The following NRXN3 variants were observed in gnomAD, a reference collection of about 807,000 sequenced individuals.
The protein encoded by NRXN3 is neurexin III.
Under a neutral mutation model 137.6 loss-of-function variants are expected in NRXN3, and 32 were observed. The observed-to-expected ratio is 0.23, with a 90% confidence interval of 0.18 to 0.31. The LOEUF (loss-of-function observed/expected upper bound fraction) is 0.31. Ranked by LOEUF, NRXN3 falls within the 10% of genes least tolerant of loss-of-function variation. The probability of loss-of-function intolerance (pLI) is 1.00; values close to 1 mark genes in which losing one functional copy is unlikely to be tolerated. For missense variants in NRXN3, 1,574 were observed against 2,062.5 expected, an observed-to-expected ratio of 0.76 and a Z score of 4.59; for synonymous variants, 798 against 784.5, an observed-to-expected ratio of 1.02 and a Z score of -0.29.
intron 16 of NRXN3, among the ~76,000 whole-genome samples, chr14:79,470,684 G>T (rs2096488448): frequency 1.3e-5 from 2 of 152,104 alleles, no homozygotes; most frequent in Non-Finnish European, 2.9e-5. Context: ...CTACCGATGT[G>T]CTTCAACAAG....
intron 18 of NRXN3, among the ~76,000 whole-genome samples, chr14:79,694,792 C>A (rs905741580): frequency 1.3e-5 from 2 of 151,916 alleles, no homozygotes; most frequent in Non-Finnish European, 2.9e-5. Context: ...CTCTACTGTT[C>A]CTTTACTGAT....
chr14:79,606,546 G>A (rs1185320550), intron 16 of NRXN3, among the ~76,000 whole-genome samples: 1 of 152,016 alleles, frequency 6.6e-6, no homozygotes, highest in Non-Finnish European at 1.5e-5. Flanking sequence ...CATCTCAGAG[G>A]GTCACAGTTA....
chr14:78,427,914 G>A (rs1011697153), intron 4 of NRXN3, among the ~76,000 whole-genome samples: 1 of 152,164 alleles, frequency 6.6e-6, no homozygotes, highest in South Asian at 2.1e-4. Flanking sequence ...TGTCCTTTGG[G>A]GGATGTTACC....
chr14:78,455,582 A>G (rs547653558), intron 4 of NRXN3, among the ~76,000 whole-genome samples: 2 of 152,350 alleles, frequency 1.3e-5, no homozygotes, highest in East Asian at 1.9e-4. Flanking sequence ...GATGTTAAAT[A>G]AAATGTGATG....
chr14:79,484,094 G>A (rs548130982), intron 16 of NRXN3, among the ~76,000 whole-genome samples: 17 of 152,232 alleles, frequency 1.1e-4, no homozygotes, highest in African/African-American at 2.2e-4. Context: ...GTCACGAACC[G>A]GATCAGTACA....
intron 4 of NRXN3, among the ~76,000 whole-genome samples, chr14:78,365,734 A>T (rs2085837276): frequency 6.6e-6 from 1 of 152,214 alleles, no homozygotes; most frequent in Non-Finnish European, 1.5e-5. Flanking sequence ...TGTCGTTAGA[A>T]TTTGATGTAC....
At chr14:78,453,165 T>A (rs2094590656) in intron 4 of NRXN3, among the ~76,000 whole-genome samples, 1 of 152,216 alleles carries the variant, frequency 6.6e-6, no homozygotes, top group South Asian at 2.1e-4. Context: ...TCTCTTGTCA[T>A]AATGGCTACA....
intron 10 of NRXN3, among the ~76,000 whole-genome samples, chr14:78,856,942 A>G (rs1380846184): frequency 6.6e-6 from 1 of 152,198 alleles, no homozygotes; most frequent in African/African-American, 2.4e-5. Flanking sequence ...CATGTTGGCC[A>G]GGCTGGCCTC....
chr14:79,561,285 G>A (rs1422281849), intron 16 of NRXN3, among the ~76,000 whole-genome samples: 1 of 152,096 alleles, frequency 6.6e-6, no homozygotes. Context: ...AGAGATGTCA[G>A]AAAGAGAGAA....
chr14:78,801,761 G>GT (rs1188722439), intron 8 of NRXN3, among the ~76,000 whole-genome samples: 1 of 152,114 alleles, frequency 6.6e-6, no homozygotes, highest in Non-Finnish European at 1.5e-5. Context: ...TGATCTACCT[G>GT]TTCAATATGA....
At chr14:79,392,187 C>T (rs972403975) in intron 15 of NRXN3, among the ~76,000 whole-genome samples, 6 of 152,100 alleles carry the variant, frequency 3.9e-5, no homozygotes, top group African/African-American at 1.4e-4. Flanking sequence ...ATGTTCCCCT[C>T]CCTGTGTCCA....
chr14:79,365,374 A>G (rs1296741877), intron 15 of NRXN3, among the ~76,000 whole-genome samples: 1 of 152,170 alleles, frequency 6.6e-6, no homozygotes, highest in Non-Finnish European at 1.5e-5. Flanking sequence ...TTGCTGAGTC[A>G]TTAAATAGGG....
chr14:79,219,345 G>A (rs1271854572), intron 15 of NRXN3, among the ~76,000 whole-genome samples: 1 of 152,040 alleles, frequency 6.6e-6, no homozygotes, highest in Non-Finnish European at 1.5e-5. Flanking sequence ...TGCCCAGGCT[G>A]GTCTCAACTC....
intron 10 of NRXN3, among the ~76,000 whole-genome samples, chr14:78,896,585 A>G (rs2099175669): frequency 1.3e-5 from 2 of 151,816 alleles, no homozygotes; most frequent in Admixed American, 6.6e-5. Flanking sequence ...GAATTGAGGG[A>G]GAAGAGAGAT....
rs75557684 is a variant in NRXN3 at position 78,304,902 on chromosome 14, C to T, written c.757+7042C>T. On this transcript the variant is annotated intron_variant, in intron 4 of 20. Transcript: ENST00000335750. ...ATGCTCAAGAAAAGCCAGAAGTGGA[C>T]GTGATAAAAATGTCATCTGAAGGTA... Among the ~76,000 whole-genome samples the T allele has an allele frequency of 2.3e-3, 346 of 152,234 alleles. 1 individual carries two copies. The highest frequency in any genetic ancestry group is 8.0e-3 in the African/African-American group (332 of 41,564).
chr14:78,399,021 T>TTTGTGAAAG (rs2091790378), intron 4 of NRXN3, among the ~76,000 whole-genome samples: 1 of 152,226 alleles, frequency 6.6e-6, no homozygotes, highest in Non-Finnish European at 1.5e-5. Context: ...TGGAAATTGC[T>TTTGTGAAAG]TTGTGAAAGT....
At chr14:78,480,742 C>CT (rs1022273326) in intron 4 of NRXN3, among the ~76,000 whole-genome samples, 15 of 152,140 alleles carry the variant, frequency 9.9e-5, no homozygotes, top group African/African-American at 1.9e-4. Context: ...TATTGTGCAG[C>CT]TTTTTTTGTC....
intron 1 of NRXN3, among the ~76,000 whole-genome samples, chr14:78,221,687 TG>T (rs771747076): frequency 1.5e-4 from 23 of 152,202 alleles, no homozygotes; most frequent in Middle Eastern, 3.4e-3. Context: ...GCAGTTTGGA[TG>T]GGGTTTGGCT....
intron 1 of NRXN3, among the ~76,000 whole-genome samples, chr14:78,193,469 C>G (rs1189982336): frequency 6.6e-6 from 1 of 151,996 alleles, no homozygotes; most frequent in African/African-American, 2.4e-5. Flanking sequence ...GGGTAAGGGC[C>G]TATGTCTTAC....
Sources: gnomAD v4.1 joint callset for allele counts (sites outside exome capture counted in the v4.1 genomes callset) on GRCh38, gnomAD v4.1.1 for gene constraint, MANE v1.5 for transcripts, NCBI Gene and HGNC (gene_info 2026-07-23, HGNC 2026-07-21) for gene names.